The following ARHGEF33 variants were observed in gnomAD, a reference collection of about 807,000 sequenced individuals.
The protein encoded by ARHGEF33 is Rho guanine nucleotide exchange factor 33.
In ARHGEF33, 72 loss-of-function variants were observed where a neutral mutation model predicts 101.9. The observed-to-expected ratio is 0.71, with a 90% CI of 0.58 to 0.86. ARHGEF33 has a LOEUF of 0.86. ARHGEF33 is among the 40% of genes least tolerant of loss of function. The pLI, the probability that ARHGEF33 is intolerant of heterozygous loss-of-function variation, is 0.00. For synonymous variants in ARHGEF33, 499 were observed against 442.5 expected (o/e 1.13, Z -1.60); for missense variants, 1,169 against 1,111.3 (o/e 1.05, Z -0.74).
At chr2:38,966,613 G>A (rs183081473) in intron 17 of ARHGEF33, among the ~76,000 whole-genome samples, 128 of 152,252 alleles carry the variant, frequency 8.4e-4, no homozygotes, top group African/African-American at 2.8e-3. Context: ...ATGTTTATTA[G>A]GACTTCTGTT....
In ARHGEF33 at chr2:38,928,924, C is replaced by T. The variant is rs1482944280; in HGVS notation, c.93C>T (p.Ser31=). The change falls in exon 5 of 18, where the codon TCC becomes TCT. Residue 31 remains serine, a synonymous_variant. Coordinates refer to ENST00000409978, the MANE Select transcript of ARHGEF33 (RefSeq NM_001145451.5). ...TQIYQLQALA[S]ELKTGFTEAM... Reference sequence around the variant, plus strand: ...TTATTTAGTTGCAGGCCCTAGCCTCCGAACTCAAAACTGGTTTCACAGAAG... The same window carrying T: ...TTATTTAGTTGCAGGCCCTAGCCTCTGAACTCAAAACTGGTTTCACAGAAG... The T allele has an allele frequency of 7.7e-6, 12 of 1,549,436 alleles. No individual in the cohort carries two copies. The highest frequency in any genetic ancestry group is 1.4e-5 in the African/African-American group (1 of 72,928).
At chr2:38,898,532 G>A (rs1199222386) in intron 2 of ARHGEF33, among the ~76,000 whole-genome samples, 1 of 152,152 alleles carries the variant, frequency 6.6e-6, no homozygotes, top group Non-Finnish European at 1.5e-5. Context: ...AGGGTACAGT[G>A]GGTCAGGTTT....
chr2:38,903,350 A>G (rs1455127778), intron 2 of ARHGEF33, among the ~76,000 whole-genome samples: 1 of 152,224 alleles, frequency 6.6e-6, no homozygotes, highest in Non-Finnish European at 1.5e-5. Flanking sequence ...GGCCTAAGCT[A>G]AAAAATGTAT....
At chr2:38,891,848 C>A (rs1666012808) in intron 1 of ARHGEF33, among the ~76,000 whole-genome samples, 1 of 151,604 alleles carries the variant, frequency 6.6e-6, no homozygotes, top group Non-Finnish European at 1.5e-5. Context: ...CCAGGAATCA[C>A]CTTGGGAGTC....
At chr2:38,891,774 A>C (rs1666011428) in intron 1 of ARHGEF33, among the ~76,000 whole-genome samples, 1 of 151,546 alleles carries the variant, frequency 6.6e-6, no homozygotes, top group Admixed American at 6.6e-5. Flanking sequence ...TTTAACCAAC[A>C]TGCATCACAT....
chr2:38,945,123 G>A (rs1667410160), intron 10 of ARHGEF33, among the ~76,000 whole-genome samples: 1 of 152,154 alleles, frequency 6.6e-6, no homozygotes, highest in South Asian at 2.1e-4. Context: ...GGAAAGTCTG[G>A]ATTATGGACT....
At chr2:38,909,078 A>G (rs1219454877) in intron 2 of ARHGEF33, among the ~76,000 whole-genome samples, 1 of 152,174 alleles carries the variant, frequency 6.6e-6, no homozygotes, top group African/African-American at 2.4e-5. Context: ...AACTCCGTGT[A>G]TACCCCTTAG....
chr2:38,929,837 G>A lies in ARHGEF33; in HGVS notation c.362+7G>A. ...CTCGAAAAGTTAAAGCCAAGTGAGT[G>A]TCTTTTAAAAATGTACCAAAGGCAA... On this transcript the variant is annotated splice_region_variant and intron_variant, in intron 6 of 17. Coordinates refer to ENST00000409978, the MANE Select transcript of ARHGEF33 (RefSeq NM_001145451.5). 2 of 1,550,554 alleles carry A rather than the reference G, an allele frequency of 1.3e-6. No homozygotes were observed. The highest frequency in any genetic ancestry group is 8.7e-7 in the Non-Finnish European group (1 of 1,146,316).
chr2:38,919,560 C>T, intron 3 of ARHGEF33, 88 bp downstream of exon 3: 1 of 1,302,374 alleles, frequency 7.7e-7, no homozygotes, highest in South Asian at 1.3e-5. Flanking sequence ...CGAGACATGA[C>T]AGTATGTTAA....
At chr2:38,944,952 G>A (rs553617433) in intron 10 of ARHGEF33, among the ~76,000 whole-genome samples, 52 of 151,428 alleles carry the variant, frequency 3.4e-4, no homozygotes, top group Non-Finnish European at 6.8e-4. Context: ...TCCCAATGCC[G>A]CAACACTCCA....
At chr2:38,921,577 G>T (rs760592816) in intron 4 of ARHGEF33, among the ~76,000 whole-genome samples, 154 bp downstream of exon 4, 1 of 152,108 alleles carries the variant, frequency 6.6e-6, no homozygotes, top group African/African-American at 2.4e-5. Flanking sequence ...ACCTCAGTGG[G>T]TCCCGCCACT....
At chr2:38,971,199 C>T (rs758649928) in intron 17 of ARHGEF33, among the ~76,000 whole-genome samples, 1 of 152,180 alleles carries the variant, frequency 6.6e-6, no homozygotes, top group Non-Finnish European at 1.5e-5. Context: ...CAGCTCCAAA[C>T]AAAAGGTTTA....
chr2:38,959,973 G>A lies in ARHGEF33; in HGVS notation c.1668G>A (p.Thr556=). Residue 556 remains threonine (T), a synonymous_variant, in exon 16 of 18, where the codon ACG becomes ACA. Coordinates refer to ENST00000409978, the MANE Select transcript of ARHGEF33 (RefSeq NM_001145451.5). ...GGCCCGAGAGCCTTCTGGCACCGACGCAGTTCTGCGCGGCCGAGCAGGACG... is the reference window on the plus strand; with the variant it reads ...GGCCCGAGAGCCTTCTGGCACCGACACAGTTCTGCGCGGCCGAGCAGGACG... ...HERPESLLAP[T]QFCAAEQDVK... is the part of the protein sequence containing the mutation. 1 of 1,551,104 alleles carries A rather than the reference G, an allele frequency of 6.4e-7. No homozygotes were observed. The highest frequency in any genetic ancestry group is 8.7e-7 in the Non-Finnish European group (1 of 1,146,796).
At chr2:38,954,270 T>G (rs904046075) in intron 12 of ARHGEF33, 103 bp from the exon 13 acceptor site, 5 of 684,512 alleles carry the variant, frequency 7.3e-6, no homozygotes, top group Non-Finnish European at 1.3e-5. Flanking sequence ...GGGAAGAAAA[T>G]GCTCTGGGAG....
intron 9 of ARHGEF33, among the ~76,000 whole-genome samples, chr2:38,942,736 T>A (rs1667346375): frequency 6.6e-6 from 1 of 152,116 alleles, no homozygotes; most frequent in African/African-American, 2.4e-5. Context: ...ATAAAAAAAA[T>A]ACGTATATAT....
chr2:38,935,796 A>C lies in ARHGEF33; in HGVS notation c.527A>C (p.His176Pro). The C allele has an allele frequency of 6.4e-7, 1 of 1,552,170 alleles. No individual in the cohort carries two copies. The stretch of plus-strand genomic sequence containing the variant: ...GCAGCCCAAGAGTCCAGATCTGTTC[A>C]TGTAGGAGACAGTAATGTAAAAGGA... ...YEKAQESRSV[H>P]VGDSNVKGMM... The change falls in exon 8 of 18, where the codon CAT becomes CCT. Residue 176 changes from histidine to proline, a missense_variant. By Grantham distance (77) the His-to-Pro change is moderately conservative (BLOSUM62 -2). Coordinates refer to ENST00000409978, the MANE Select transcript of ARHGEF33 (RefSeq NM_001145451.5).
At chr2:38,908,898 C>A (rs558021985) in intron 2 of ARHGEF33, among the ~76,000 whole-genome samples, 2 of 152,256 alleles carry the variant, frequency 1.3e-5, no homozygotes, top group African/African-American at 4.8e-5. Flanking sequence ...ATCTTCAGGC[C>A]AAACTCTCTA....
At chr2:38,902,134 G>GA (rs1156887244) in intron 2 of ARHGEF33, among the ~76,000 whole-genome samples, 284 of 58,442 alleles carry the variant, frequency 4.9e-3, no homozygotes, top group East Asian at 0.016. Context: ...TCCATCTCAA[G>GA]AAAAAAAAAA....
In ARHGEF33 at chr2:38,960,336, C is replaced by T. The variant is rs1667889915; in HGVS notation, c.2031C>T (p.Pro677=). Reference sequence around the variant, plus strand: ...CGGAGCACCCGCTGCAGCCGCTGCCCAAGAGCGCTACGTCGCCGGCGGGCA... The same window carrying T: ...CGGAGCACCCGCTGCAGCCGCTGCCTAAGAGCGCTACGTCGCCGGCGGGCA... ...ERPEHPLQPL[P]KSATSPAGSS... is the part of the protein sequence containing the mutation. The change falls in exon 16 of 18, where the codon CCC becomes CCT. Residue 677 remains proline, a synonymous_variant. Coordinates refer to ENST00000409978, the MANE Select transcript of ARHGEF33 (RefSeq NM_001145451.5). 3.9e-6 allele frequency: 6 copies of T among 1,538,280 alleles called. No individual in the cohort carries two copies. Among genetic ancestry groups the T allele is most frequent in the Non-Finnish European group, 5.2e-6 (6 of 1,144,896 alleles).
Sources: gnomAD v4.1 joint callset for allele counts (sites outside exome capture counted in the v4.1 genomes callset) on GRCh38, gnomAD v4.1.1 for gene constraint, MANE v1.5 for transcripts, NCBI Gene and HGNC (gene_info 2026-07-23, HGNC 2026-07-21) for gene names.